FHIT: variants seen among roughly 807,000 people sequenced by gnomAD.
FHIT encodes fragile histidine triad diadenosine triphosphatase, also known as bis(5'-adenosyl)-triphosphatase.
Under a neutral mutation model 17.9 loss-of-function variants are expected in FHIT, and 19 were observed. The observed-to-expected ratio is 1.06, with a 90% CI of 0.74 to 1.56. The LOEUF is 1.56. FHIT is among the 40% of genes most tolerant of loss of function. The pLI is 0.00. For synonymous variants in FHIT, 81 were observed against 69.7 expected (o/e 1.16, Z -0.81); for missense variants, 248 against 189.2 (o/e 1.31, Z -1.82).
chr3:60,464,906 C>T (rs2032698875), intron 5 of FHIT, among the ~76,000 whole-genome samples: 1 of 151,970 alleles, frequency 6.6e-6, no homozygotes, highest in Non-Finnish European at 1.5e-5. Flanking sequence ...CATATGGTAG[C>T]TCTTTAGTCT....
intron 3 of FHIT, among the ~76,000 whole-genome samples, chr3:61,016,908 C>T (rs2032142382): frequency 6.6e-6 from 1 of 152,202 alleles, no homozygotes; most frequent in South Asian, 2.1e-4. Context: ...CCAGGTTTCT[C>T]CACAAAAGAT....
At chr3:60,009,031 T>C (rs1397256960) in intron 7 of FHIT, among the ~76,000 whole-genome samples, 1 of 152,208 alleles carries the variant, frequency 6.6e-6, no homozygotes, top group East Asian at 1.9e-4. Flanking sequence ...TTTGTTGTTG[T>C]TAACTGATAC....
chr3:60,279,816 G>A (rs967726348), intron 5 of FHIT, among the ~76,000 whole-genome samples: 4 of 151,932 alleles, frequency 2.6e-5, no homozygotes, highest in Admixed American at 1.3e-4. Context: ...CAGATCAGGA[G>A]GTCAGGAGAT....
At chr3:59,937,061 A>C (rs768154291) in intron 7 of FHIT, among the ~76,000 whole-genome samples, 1 of 152,178 alleles carries the variant, frequency 6.6e-6, no homozygotes, top group Non-Finnish European at 1.5e-5. Flanking sequence ...ATTCAGACAA[A>C]AGCCTATGCT....
chr3:60,366,522 C>A (rs1045385198), intron 5 of FHIT, among the ~76,000 whole-genome samples: 1 of 152,154 alleles, frequency 6.6e-6, no homozygotes, highest in Non-Finnish European at 1.5e-5. Context: ...GGAGGTGGGA[C>A]CTCTAACAGT....
chr3:60,156,590 AT>A (rs55902428), intron 5 of FHIT, among the ~76,000 whole-genome samples: 2 of 150,868 alleles, frequency 1.3e-5, no homozygotes, highest in Non-Finnish European at 3.0e-5. Flanking sequence ...CTCTATAAAA[AT>A]TTTTTTTTAA....
intron 3 of FHIT, among the ~76,000 whole-genome samples, chr3:60,989,036 A>G (rs1011607041): frequency 4.4e-5 from 6 of 137,326 alleles, no homozygotes; most frequent in African/African-American, 1.3e-4. Context: ...TCTTTGGTTT[A>G]TGGATACACC....
chr3:60,268,993 G>T, intron 5 of FHIT, among the ~76,000 whole-genome samples: 1 of 152,158 alleles, frequency 6.6e-6, no homozygotes, highest in East Asian at 1.9e-4. Flanking sequence ...AGCTGGAAAA[G>T]TCAAAGAAAC....
rs4022385 is a variant in FHIT, at chr3:60,324,573, G to GA, written c.103+212286dup. 4.3e-4 allele frequency among the ~76,000 whole-genome samples: 56 copies of GA among 128,810 alleles called. 1 individual carries two copies. Among genetic ancestry groups the GA allele is most frequent in the East Asian group, 9.7e-4 (4 of 4,126 alleles). 84.5% of individuals were successfully genotyped at this position (128,810 alleles called of 152,430 possible). A position where few individuals can be genotyped will look rare whatever the true frequency, so the allele number is the denominator to read the frequency against. On this transcript the variant is annotated intron_variant, in intron 5 of 9. Coordinates refer to ENST00000492590, the MANE Select transcript of FHIT (RefSeq NM_002012.4). ...TGGGTGACAGAGCGAGACTCCATCA[G>GA]AAAAAAAAAAAAAAGAATTCCAGTT... is the stretch of plus-strand genomic sequence containing the variant.
At position 60,816,965 on chromosome 3, in the gene FHIT, T is replaced by G. The variant is rs577868167; in HGVS notation, c.-18+4954A>C. Among the ~76,000 whole-genome samples, 227 of 152,180 alleles carry G rather than the reference T, an allele frequency of 1.5e-3. 1 individual carries two copies. Among genetic ancestry groups the G allele is most frequent in the African/African-American group, 5.2e-3 (215 of 41,570 alleles). On this transcript the variant is annotated intron_variant, in intron 4 of 9. Transcript: ENST00000492590. ...TTTGCTCCTCCACTTCTTGTTTTTC[T>G]TTTTCTTCCCTCTGCAACTTTTGGA...
At chr3:61,250,920 A>G (rs1199875076) in intron 1 of FHIT, among the ~76,000 whole-genome samples, 2 of 152,192 alleles carry the variant, frequency 1.3e-5, no homozygotes, top group East Asian at 3.9e-4. Context: ...TGTTTAACAC[A>G]GACCTGTTGG....
intron 5 of FHIT, among the ~76,000 whole-genome samples, chr3:60,112,018 A>G (rs775454582): frequency 2.6e-4 from 40 of 152,226 alleles, no homozygotes; most frequent in Non-Finnish European, 5.1e-4. Flanking sequence ...CATAAACCAT[A>G]AGAGAAATTA....
chr3:60,555,012 A>G (rs151737), intron 4 of FHIT, among the ~76,000 whole-genome samples: 87,553 of 152,088 alleles, frequency 0.58, 25,368 homozygotes, highest in East Asian at 0.68. Flanking sequence ...TATTCACAAG[A>G]TAACTACATG....
intron 4 of FHIT, among the ~76,000 whole-genome samples, chr3:60,817,997 C>A (rs1701798126): frequency 6.6e-6 from 1 of 152,062 alleles, no homozygotes; most frequent in Non-Finnish European, 1.5e-5. Flanking sequence ...ATGGATCTAT[C>A]TTTAAGTTCA....
chr3:60,495,009 T>G (rs779419973), intron 5 of FHIT, among the ~76,000 whole-genome samples: 1 of 152,174 alleles, frequency 6.6e-6, no homozygotes, highest in Non-Finnish European at 1.5e-5. Flanking sequence ...GTCTGGACTG[T>G]GTGTTAGCTC....
At chr3:59,993,551 C>A (rs1474271655) in intron 7 of FHIT, among the ~76,000 whole-genome samples, 1 of 151,992 alleles carries the variant, frequency 6.6e-6, no homozygotes, top group East Asian at 1.9e-4. Context: ...CAAAACCCTA[C>A]CTGAGAGAAG....
chr3:59,999,435 T>C (rs1265049720), intron 7 of FHIT, among the ~76,000 whole-genome samples: 2 of 152,158 alleles, frequency 1.3e-5, no homozygotes, highest in African/African-American at 4.8e-5. Context: ...CATTCAAAGA[T>C]TCCCACTAGC....
At chr3:60,941,586 T>C (rs1425519993) in intron 3 of FHIT, among the ~76,000 whole-genome samples, 3 of 152,128 alleles carry the variant, frequency 2.0e-5, no homozygotes, top group African/African-American at 7.2e-5. Context: ...TTTTATACTT[T>C]TTCTACTGAC....
At chr3:59,973,352 C>T (rs750063383) in intron 7 of FHIT, among the ~76,000 whole-genome samples, 1 of 152,102 alleles carries the variant, frequency 6.6e-6, no homozygotes, top group East Asian at 1.9e-4. Context: ...ATTATCTTTA[C>T]TGCCTTATCT....
Sources: allele counts gnomAD v4.1 joint callset (sites outside exome capture counted in the v4.1 genomes callset), GRCh38; gene constraint gnomAD v4.1.1; transcripts MANE v1.5; gene names NCBI Gene and HGNC (gene_info 2026-07-23, HGNC 2026-07-21).